The following ITGB3BP variants were observed in gnomAD, a reference collection of about 807,000 sequenced individuals.
The protein encoded by ITGB3BP is integrin subunit beta 3 binding protein, also known as centromere protein R.
Under a neutral mutation model 29.1 loss-of-function variants are expected in ITGB3BP, and 27 were observed. The observed-to-expected ratio is 0.93, with a 90% CI of 0.68 to 1.28. The LOEUF is 1.28. ITGB3BP is among the 50% of genes most tolerant of loss of function. ITGB3BP has a pLI of 0.00. For synonymous variants in ITGB3BP, 61 were observed against 61.4 expected, an observed-to-expected ratio of 0.99 and a Z score of 0.03; for missense variants, 192 against 200.2, an observed-to-expected ratio of 0.96 and a Z score of 0.25.
intron 1 of ITGB3BP, 113 bp from the exon 2 acceptor site, chr1:63,508,683 TATA>T: frequency 1.9e-6 from 1 of 534,596 alleles, no homozygotes; most frequent in Non-Finnish European, 3.3e-6. Flanking sequence ...AACCAATTTT[TATA>T]TTATGTATTA....
chr1:63,482,828 AT>A, intron 3 of ITGB3BP, among the ~76,000 whole-genome samples: 1 of 151,886 alleles, frequency 6.6e-6, no homozygotes, highest in Non-Finnish European at 1.5e-5. Context: ...TAATTTTTGT[AT>A]TTTTAGTAGA....
chr1:63,479,721 T>C (rs1013152970), intron 3 of ITGB3BP, among the ~76,000 whole-genome samples: 1 of 152,142 alleles, frequency 6.6e-6, no homozygotes, highest in Non-Finnish European at 1.5e-5. Flanking sequence ...CCTGGCTTAC[T>C]TCCCTTAACA....
chr1:63,514,944 C>CAAA (rs55738892), intron 1 of ITGB3BP, among the ~76,000 whole-genome samples: 9 of 117,108 alleles, frequency 7.7e-5, no homozygotes, highest in African/African-American at 2.9e-4. Context: ...GACTCTGTCT[C>CAAA]AAAAAAAAAA....
chr1:63,466,802 GC>G (rs1247107152), intron 4 of ITGB3BP, among the ~76,000 whole-genome samples: 5 of 152,126 alleles, frequency 3.3e-5, no homozygotes, highest in Admixed American at 6.5e-5. Flanking sequence ...AAGCAGACAT[GC>G]CTGTCCTAAA....
intron 4 of ITGB3BP, among the ~76,000 whole-genome samples, chr1:63,467,227 T>C (rs1413419984): frequency 1.5e-5 from 1 of 67,062 alleles, no homozygotes; most frequent in Admixed American, 2.1e-4. Flanking sequence ...AAACTTGTTT[T>C]GTAGTAGTTT....
At chr1:63,469,313 AATTATT>A (rs1265796273) in intron 4 of ITGB3BP, among the ~76,000 whole-genome samples, 1 of 151,072 alleles carries the variant, frequency 6.6e-6, no homozygotes, top group Non-Finnish European at 1.5e-5. Context: ...CTTGACCATA[AATTATT>A]ATTATTATTA....
intron 4 of ITGB3BP, among the ~76,000 whole-genome samples, chr1:63,459,211 C>T (rs1644978191): frequency 6.6e-6 from 1 of 152,148 alleles, no homozygotes; most frequent in Admixed American, 6.5e-5. Flanking sequence ...CTCAACATGA[C>T]AGCCTAACCC....
intron 8 of ITGB3BP, among the ~76,000 whole-genome samples, chr1:63,444,929 C>T (rs556050312): frequency 2.6e-5 from 4 of 152,102 alleles, no homozygotes; most frequent in East Asian, 1.9e-4. Context: ...TTGCCTCATA[C>T]GTTGTTGTGA....
At chr1:63,524,625 C>T (rs1230318375), upstream of ITGB3BP, among the ~76,000 whole-genome samples, 1 of 152,140 alleles carries the variant, frequency 6.6e-6, no homozygotes, top group East Asian at 1.9e-4. Context: ...GAAGTCAAAG[C>T]TGGGTAGAGT....
Position 63,454,993 on chromosome 1 carries a change from C to G in ITGB3BP, c.255-25G>C, listed in dbSNP as rs1290736593. ...TCTAGTAATAAAGAAAAAGACAATACTTAGCAAGGGGAAGCATTTAAACAT... is the reference window on the plus strand; with the variant it reads ...TCTAGTAATAAAGAAAAAGACAATAGTTAGCAAGGGGAAGCATTTAAACAT... On this transcript the variant is annotated intron_variant, in intron 4 of 8. Transcript: ENST00000271002. This position sits in a 1 kb window ranked among gnomAD's most constrained non-coding sequence, Gnocchi z 4.1. The G allele has an allele frequency of 2.6e-6, 3 of 1,150,560 alleles. No homozygotes were observed. The Admixed American group carries it at 5.3e-5, about 20-fold the overall frequency. 71.3% of individuals were successfully genotyped at this position (1,150,560 alleles called of 1,614,324 possible). A position where few individuals can be genotyped will look rare whatever the true frequency, so the allele number is the denominator to read the frequency against.
upstream of ITGB3BP, chr1:63,527,869 A>G (rs1646622848): frequency 6.6e-6 from 1 of 152,220 alleles, no homozygotes; most frequent in Admixed American, 6.5e-5. Flanking sequence ...TGTGAGAAAA[A>G]GTTACATACC....
Position 63,503,988 on chromosome 1 carries a change from C to G in ITGB3BP, c.48+4540G>C, listed in dbSNP as rs535574149. Among the ~76,000 whole-genome samples the G allele has an allele frequency of 1.8e-4, 27 of 151,916 alleles. No individual in the cohort carries two copies. The East Asian group carries it at 3.1e-3, about 17-fold the overall frequency. On this transcript the variant is annotated intron_variant, in intron 2 of 8. Coordinates refer to ENST00000271002, the MANE Select transcript of ITGB3BP (RefSeq NM_014288.5). ...TTCTTTTGGCTTAGGATTGACTTGGCGATGCAGGCTCTTTTTTGGTTCCAT... is the reference window on the plus strand; with the variant it reads ...TTCTTTTGGCTTAGGATTGACTTGGGGATGCAGGCTCTTTTTTGGTTCCAT...
intron 4 of ITGB3BP, among the ~76,000 whole-genome samples, chr1:63,472,892 G>T (rs1407844768): frequency 6.6e-6 from 1 of 152,046 alleles, no homozygotes; most frequent in African/African-American, 2.4e-5. Context: ...CTGCCCAGCC[G>T]CCACCCCGTC....
intron 4 of ITGB3BP, among the ~76,000 whole-genome samples, chr1:63,470,619 A>G (rs1328718160): frequency 3.3e-5 from 5 of 152,228 alleles, no homozygotes; most frequent in African/African-American, 1.2e-4. Flanking sequence ...ACTGTAGTCC[A>G]TTAGATAAAT....
intron 3 of ITGB3BP, among the ~76,000 whole-genome samples, chr1:63,487,002 T>A (rs1263084324): frequency 6.6e-6 from 1 of 152,070 alleles, no homozygotes; most frequent in African/African-American, 2.4e-5. Context: ...TAGTACTGCA[T>A]CTTTATATTC....
intron 4 of ITGB3BP, 146 bp from the exon 5 acceptor site, chr1:63,455,114 C>A: frequency 1.9e-6 from 1 of 533,868 alleles, no homozygotes; most frequent in East Asian, 2.9e-5. Context: ...CAACTGTCCC[C>A]TCTTTTGGAG....
chr1:63,447,243 T>G (rs1052260566), intron 7 of ITGB3BP, among the ~76,000 whole-genome samples: 1 of 152,196 alleles, frequency 6.6e-6, no homozygotes, highest in Non-Finnish European at 1.5e-5. Flanking sequence ...TGGAGCATGG[T>G]AGGCACTCAA....
rs539576409 is a variant in ITGB3BP at position 63,454,186 on chromosome 1, A to G, written c.427+194T>C. ...CCAGTTTCCAAGGTGCATTCTTTTC[A>G]TTCACATTCAAGAAGAATCCCCAAA... On this transcript the variant is annotated intron_variant, in intron 6 of 8. Coordinates refer to ENST00000271002, the MANE Select transcript of ITGB3BP (RefSeq NM_014288.5). The surrounding 1 kb of genome is among the most constrained non-coding windows in gnomAD (Gnocchi z 4.1). Among the ~76,000 whole-genome samples, 5 of 152,040 alleles carry G rather than the reference A, an allele frequency of 3.3e-5. No individual in the cohort carries two copies. The highest frequency in any genetic ancestry group is 5.9e-5 in the Non-Finnish European group (4 of 67,930).
intron 4 of ITGB3BP, among the ~76,000 whole-genome samples, chr1:63,469,671 G>C (rs1645162282): frequency 6.6e-6 from 1 of 152,156 alleles, no homozygotes; most frequent in Non-Finnish European, 1.5e-5. Flanking sequence ...CATATCTAAA[G>C]ATACAAATGT....
Sources: gnomAD v4.1 joint callset for allele counts (sites outside exome capture counted in the v4.1 genomes callset) on GRCh38, gnomAD v4.1.1 for gene constraint, Gnocchi (gnomAD v3.1) non-coding constraint, MANE v1.5 for transcripts, NCBI Gene and HGNC (gene_info 2026-07-23, HGNC 2026-07-21) for gene names.